NKAIN2: variants seen among roughly 807,000 people sequenced by gnomAD.
NKAIN2 encodes sodium/potassium-transporting ATPase subunit beta-1-interacting protein 2.
A neutral mutation model predicts 32.6 loss-of-function variants in NKAIN2; 14 were observed. That is an observed-to-expected ratio of 0.43 (90% CI 0.28 to 0.67). The LOEUF is 0.67. Ranked by LOEUF, NKAIN2 falls within the 30% of genes least tolerant of loss-of-function variation. The probability of loss-of-function intolerance (pLI) is 0.17; values close to 1 mark genes in which losing one functional copy is unlikely to be tolerated. For missense variants in NKAIN2, 198 were observed against 258.3 expected, an observed-to-expected ratio of 0.77 and a Z score of 1.60; for synonymous variants, 80 against 87.2, an observed-to-expected ratio of 0.92 and a Z score of 0.46.
At chr6:124,691,118 A>T (rs1281047675) in intron 4 of NKAIN2, among the ~76,000 whole-genome samples, 1 of 152,210 alleles carries the variant, frequency 6.6e-6, no homozygotes, top group Admixed American at 6.5e-5. Flanking sequence ...AAATTGTGCG[A>T]TAGAAAACAC....
chr6:124,058,327 C>T (rs1044061075), intron 1 of NKAIN2, among the ~76,000 whole-genome samples: 6 of 149,212 alleles, frequency 4.0e-5, no homozygotes, highest in South Asian at 4.3e-4. Context: ...TAAAAATATA[C>T]AATAATTAGA....
At chr6:124,059,176 G>C (rs7765184) in intron 1 of NKAIN2, among the ~76,000 whole-genome samples, 1 of 151,870 alleles carries the variant, frequency 6.6e-6, no homozygotes, top group Non-Finnish European at 1.5e-5. Flanking sequence ...TAAGTCTTAC[G>C]TTTTATCTCC....
rs1335529832 is a variant in NKAIN2, at chr6:124,471,048, C to T, written c.273+115701C>T. Among the ~76,000 whole-genome samples, 3 of 152,086 alleles carry T rather than the reference C, an allele frequency of 2.0e-5. No individual in the cohort carries two copies. In the South Asian group the frequency reaches 6.2e-4, roughly 32 times the overall value. On this transcript the variant is annotated intron_variant, in intron 3 of 6. Coordinates refer to ENST00000368417, the MANE Select transcript of NKAIN2 (RefSeq NM_001040214.3). ...TTTGGCTACAAGCCCAGAGTGGAAT[C>T]CTTGCAACAACAGCTGTATGCCCTG...
intron 2 of NKAIN2, among the ~76,000 whole-genome samples, chr6:124,324,038 G>T (rs185117545): frequency 5.9e-5 from 9 of 151,954 alleles, no homozygotes; most frequent in African/African-American, 1.7e-4. Context: ...TGATCCACCC[G>T]CCTCAGCCTC....
chr6:124,467,043 T>C (rs1776788058), intron 3 of NKAIN2, among the ~76,000 whole-genome samples: 1 of 152,128 alleles, frequency 6.6e-6, no homozygotes, highest in Non-Finnish European at 1.5e-5. Context: ...GCTGCTTGTA[T>C]GATAATAAAC....
chr6:124,472,913 T>C (rs62437483), intron 3 of NKAIN2, among the ~76,000 whole-genome samples: 3,392 of 152,138 alleles, frequency 0.022, 83 homozygotes, highest in Non-Finnish European at 0.032. Context: ...ATAAAATGCA[T>C]TGAGGTGGAG....
chr6:124,730,680 C>T (rs1776619088), intron 4 of NKAIN2, among the ~76,000 whole-genome samples: 1 of 148,634 alleles, frequency 6.7e-6, no homozygotes, highest in South Asian at 2.1e-4. Context: ...ACACCAAAAG[C>T]AATGGCAACA....
chr6:124,047,651 G>A (rs1782207691), intron 1 of NKAIN2, among the ~76,000 whole-genome samples: 1 of 152,004 alleles, frequency 6.6e-6, no homozygotes, highest in Non-Finnish European at 1.5e-5. Flanking sequence ...TCAGTGAGTA[G>A]TATCAGCTCT....
intron 3 of NKAIN2, among the ~76,000 whole-genome samples, chr6:124,357,928 C>T (rs200032364): frequency 1.8e-5 from 2 of 111,260 alleles, no homozygotes; most frequent in African/African-American, 9.5e-5. Flanking sequence ...CCTCCCCCAA[C>T]CCGCACGCCA....
chr6:124,490,535 G>A (rs554927873), intron 3 of NKAIN2: 11 of 328,662 alleles, frequency 3.3e-5, no homozygotes, highest in South Asian at 3.0e-4. Flanking sequence ...GTATTTAGTA[G>A]AGGAGTTATG....
intron 2 of NKAIN2, among the ~76,000 whole-genome samples, chr6:124,284,577 AT>A (rs1795456425): frequency 6.6e-6 from 1 of 152,036 alleles, no homozygotes; most frequent in South Asian, 2.1e-4. Flanking sequence ...TCTGAATATC[AT>A]TATGTAAATA....
chr6:124,201,930 A>G (rs1013998867), intron 1 of NKAIN2, among the ~76,000 whole-genome samples: 1 of 151,978 alleles, frequency 6.6e-6, no homozygotes, highest in Non-Finnish European at 1.5e-5. Flanking sequence ...TATTTTCTGC[A>G]CAGATTTCTA....
chr6:124,275,953 G>T (rs1273252111), intron 1 of NKAIN2, among the ~76,000 whole-genome samples: 1 of 152,010 alleles, frequency 6.6e-6, no homozygotes, highest in Admixed American at 6.6e-5. Context: ...TATTGTAGAT[G>T]AAGAAACTGG....
rs987185236 is a variant in NKAIN2, at chr6:124,697,496, C to T, written c.474+39110C>T. On this transcript the variant is annotated intron_variant, in intron 4 of 6. Coordinates refer to ENST00000368417, the MANE Select transcript of NKAIN2 (RefSeq NM_001040214.3). ...TCATATCGCAGTTATGAGTACACTT[C>T]TGTGTCTTTATCACACTAGAGCTCT... Among the ~76,000 whole-genome samples, 6 of 152,110 alleles carry T rather than the reference C, an allele frequency of 3.9e-5. No individual in the cohort carries two copies. In the South Asian group the frequency reaches 8.3e-4, roughly 21 times the overall value.
chr6:124,027,305 A>T (rs1781156522), intron 1 of NKAIN2, among the ~76,000 whole-genome samples: 1 of 151,890 alleles, frequency 6.6e-6, no homozygotes, highest in Non-Finnish European at 1.5e-5. Flanking sequence ...ACGCCTGGCT[A>T]ATTTTTGGTA....
chr6:124,069,500 A>T (rs779178723), intron 1 of NKAIN2, among the ~76,000 whole-genome samples: 4 of 152,092 alleles, frequency 2.6e-5, no homozygotes, highest in Admixed American at 6.6e-5. Context: ...AAGCAGCCTC[A>T]TTCTGTTTTT....
chr6:123,980,353 T>C (rs1472237798), intron 1 of NKAIN2, among the ~76,000 whole-genome samples: 3 of 152,156 alleles, frequency 2.0e-5, no homozygotes, highest in African/African-American at 7.2e-5. Flanking sequence ...ATCAAAAAGG[T>C]CATGCATGTC....
chr6:124,140,002 C>G (rs555501868), intron 1 of NKAIN2, among the ~76,000 whole-genome samples: 4 of 152,254 alleles, frequency 2.6e-5, no homozygotes, highest in Admixed American at 2.6e-4. Context: ...AAACCTGAAT[C>G]TGGGAAAATA....
In NKAIN2 at chr6:124,627,998, TAC is replaced by T. The variant is rs1285125079; in HGVS notation, c.274-30183_274-30182del. 2.6e-5 allele frequency among the ~76,000 whole-genome samples: 4 copies of T among 152,244 alleles called. No individual in the cohort carries two copies. In the East Asian group the frequency reaches 7.7e-4, roughly 29 times the overall value. ...CATTTTTCACTTACATTCACATACA[TAC>T]ACACGTGTTCACACACACATTCGCA... On this transcript the variant is annotated intron_variant, in intron 3 of 6. Coordinates refer to ENST00000368417, the MANE Select transcript of NKAIN2 (RefSeq NM_001040214.3).
Sources: allele counts gnomAD v4.1 joint callset (sites outside exome capture counted in the v4.1 genomes callset), GRCh38; gene constraint gnomAD v4.1.1; transcripts MANE v1.5; gene names NCBI Gene and HGNC (gene_info 2026-07-23, HGNC 2026-07-21).